Variants in RGS20 observed in about 807,000 individuals in gnomAD.
RGS20 encodes the protein regulator of G protein signaling 20.
RGS20 carries 30 observed loss-of-function variants against 33.6 expected under a neutral mutation model. The observed-to-expected ratio is 0.89, with a 90% CI of 0.67 to 1.21. The LOEUF (loss-of-function observed/expected upper bound fraction) is 1.21. Ranked by LOEUF, RGS20 falls within the 50% of genes most tolerant of loss-of-function variation. The pLI is 0.00. For missense variants in RGS20, 472 were observed against 502.4 expected, an observed-to-expected ratio of 0.94 and a Z score of 0.58; for synonymous variants, 208 against 197.9, an observed-to-expected ratio of 1.05 and a Z score of -0.43.
intron 2 of RGS20, among the ~76,000 whole-genome samples, chr8:53,891,408 C>A (rs141662846): frequency 6.6e-6 from 1 of 152,128 alleles, no homozygotes; most frequent in Non-Finnish European, 1.5e-5. Flanking sequence ...CACTTGAGGT[C>A]AGGATTTCGA....
intron 4 of RGS20, among the ~76,000 whole-genome samples, chr8:53,948,022 ATAC>A (rs1814572666): frequency 7.3e-6 from 1 of 136,124 alleles, no homozygotes; most frequent in South Asian, 2.3e-4. Flanking sequence ...GATAGTATAT[ATAC>A]TATATATAAG....
intron 1 of RGS20, among the ~76,000 whole-genome samples, chr8:53,852,565 T>C (rs1563331109): frequency 6.6e-6 from 1 of 152,204 alleles, no homozygotes; most frequent in African/African-American, 2.4e-5. Context: ...AAGCATGAGT[T>C]TCTATCAGTA....
chr8:53,880,843 T>G (rs926674094), intron 2 of RGS20, 29 bp from the exon 1 acceptor site: 33 of 1,326,156 alleles, frequency 2.5e-5, no homozygotes, highest in Middle Eastern at 2.5e-4. Context: ...CCCGGCCGGG[T>G]AAAAGGAGTG....
chr8:53,875,758 C>A (rs1812194054), intron 1 of RGS20, among the ~76,000 whole-genome samples: 1 of 152,152 alleles, frequency 6.6e-6, no homozygotes, highest in Non-Finnish European at 1.5e-5. Flanking sequence ...AAGAATGGAA[C>A]AAGTCAGAAC....
At chr8:53,930,561 G>GT (rs1266565327) in intron 2 of RGS20, among the ~76,000 whole-genome samples, 6 of 151,982 alleles carry the variant, frequency 3.9e-5, no homozygotes, top group Admixed American at 3.3e-4. Flanking sequence ...TTTGTTTTTT[G>GT]TTTTTTGACA....
chr8:53,880,785 G>T, intron 2 of RGS20, 87 bp from the exon 1 acceptor site: 1 of 1,246,186 alleles, frequency 8.0e-7, no homozygotes, highest in Non-Finnish European at 1.0e-6. Context: ...CCTAGCACCC[G>T]CGGCGGTGGA....
chr8:53,957,230 G>C (rs971464624), intron 5 of RGS20, among the ~76,000 whole-genome samples: 26 of 152,186 alleles, frequency 1.7e-4, no homozygotes, highest in Admixed American at 1.7e-3. Flanking sequence ...AGGTTCAAGC[G>C]ATTCTCCTGC....
At chr8:53,858,889 G>A (rs977726788) in intron 1 of RGS20, among the ~76,000 whole-genome samples, 5 of 107,026 alleles carry the variant, frequency 4.7e-5, no homozygotes, top group Non-Finnish European at 8.8e-5. Flanking sequence ...CTGGGGTTAT[G>A]TTTAAAAAAA....
At chr8:53,911,681 C>T (rs1389869091) in intron 2 of RGS20, among the ~76,000 whole-genome samples, 1 of 152,164 alleles carries the variant, frequency 6.6e-6, no homozygotes, top group South Asian at 2.1e-4. Context: ...TGCCTGTAAT[C>T]CCAGCACTTT....
Position 53,939,657 on chromosome 8 carries a change from C to G in RGS20, c.592C>G (p.Pro198Ala), listed in dbSNP as rs1217688241. The G allele has an allele frequency of 6.3e-7, 1 of 1,591,204 alleles. No homozygotes were observed. The highest frequency in any genetic ancestry group is 1.3e-5 in the African/African-American group (1 of 74,758). ...CACACCAGGCGCCGCCCCAGGCCAG[C>G]CCGGAGCGGGGAGTCGCGGGTCCAA... Residue 198 changes from proline to alanine, a missense_variant, in exon 3 of 6, where the codon CCC becomes GCC. This residue lies in a region of RGS20 where 319 missense variants were observed against 283.4 expected (regional missense o/e 1.13). Transcript: ENST00000297313.
At chr8:53,923,669 T>C (rs1053951084) in intron 2 of RGS20, among the ~76,000 whole-genome samples, 4 of 152,220 alleles carry the variant, frequency 2.6e-5, no homozygotes, top group Admixed American at 2.6e-4. Flanking sequence ...TATATTTTGC[T>C]GGAGAGAGGG....
intron 1 of RGS20, among the ~76,000 whole-genome samples, chr8:53,868,639 T>G (rs2129270773): frequency 6.6e-6 from 1 of 152,194 alleles, no homozygotes; most frequent in Admixed American, 6.5e-5. Context: ...TCTCTAGGAA[T>G]AGCTTCACTG....
intron 2 of RGS20, among the ~76,000 whole-genome samples, chr8:53,935,879 A>T (rs1375502337): frequency 6.6e-6 from 1 of 152,206 alleles, no homozygotes; most frequent in African/African-American, 2.4e-5. Context: ...ATCCAGCAGC[A>T]CATCAAAAAG....
At chr8:53,957,818 A>AT (rs1465812428) in intron 5 of RGS20, among the ~76,000 whole-genome samples, 1 of 152,090 alleles carries the variant, frequency 6.6e-6, no homozygotes, top group Non-Finnish European at 1.5e-5. Context: ...GGCAGTTTGG[A>AT]TTTTTTGGAT....
chr8:53,904,830 A>G (rs1813122166), intron 2 of RGS20, among the ~76,000 whole-genome samples: 1 of 152,238 alleles, frequency 6.6e-6, no homozygotes, highest in Admixed American at 6.5e-5. Context: ...GAAAGAACAA[A>G]TAAAAACATA....
intron 2 of RGS20, among the ~76,000 whole-genome samples, chr8:53,891,560 G>T (rs35281332): frequency 0.21 from 32,566 of 152,034 alleles, 4,204 homozygotes; most frequent in South Asian, 0.35. Flanking sequence ...GGCAGAGATT[G>T]CAGTGAGCCA....
At chr8:53,880,924 G>A (rs1812349126) in intron 2 of RGS20, 2 of 1,547,356 alleles carry the variant, frequency 1.3e-6, no homozygotes, top group South Asian at 1.2e-5. Context: ...AAGACCGAGA[G>A]CCGGAGAAAG....
chr8:53,881,826 C>T (rs1812393140), intron 2 of RGS20, among the ~76,000 whole-genome samples: 1 of 152,050 alleles, frequency 6.6e-6, no homozygotes, highest in African/African-American at 2.4e-5. Flanking sequence ...CTTGATCTTC[C>T]GCACCCTCGG....
intron 2 of RGS20, among the ~76,000 whole-genome samples, chr8:53,930,860 T>C (rs1813934964): frequency 6.6e-6 from 1 of 152,118 alleles, no homozygotes; most frequent in South Asian, 2.1e-4. Context: ...TCATAGGAAA[T>C]AATAGTTACC....
Sources: allele counts gnomAD v4.1 joint callset (sites outside exome capture counted in the v4.1 genomes callset), GRCh38; gene constraint gnomAD v4.1.1; regional missense constraint gnomAD v4.1.1; transcripts MANE v1.5; gene names NCBI Gene and HGNC (gene_info 2026-07-23, HGNC 2026-07-21).